TEX26: variants seen among roughly 807,000 people sequenced by gnomAD.
TEX26 encodes the protein testis-expressed protein 26.
A neutral mutation model predicts 35.3 loss-of-function variants in TEX26; 34 were observed. The ratio of observed to expected loss-of-function variants is 0.96; its 90% CI spans 0.73 to 1.28. The LOEUF is 1.28. TEX26 is among the 50% of genes most tolerant of loss of function. The pLI, the probability that TEX26 is intolerant of heterozygous loss-of-function variation, is 0.00. For missense variants in TEX26, 371 were observed against 330.1 expected (o/e 1.12, Z -0.96); for synonymous variants, 136 against 111.8 (o/e 1.22, Z -1.36).
chr13:30,951,772 A>C (rs1953930254), intron 2 of TEX26, among the ~76,000 whole-genome samples: 1 of 152,190 alleles, frequency 6.6e-6, no homozygotes, highest in African/African-American at 2.4e-5. Flanking sequence ...ACCTTTAAGA[A>C]AACCAATTCC....
intron 6 of TEX26, among the ~76,000 whole-genome samples, chr13:30,970,094 G>A (rs1048946268): frequency 5.3e-5 from 8 of 151,618 alleles, no homozygotes; most frequent in African/African-American, 1.2e-4. Context: ...TGAAACCCTC[G>A]TTTTGGGGAT....
chr13:30,956,060 A>C (rs1328219364), intron 3 of TEX26, among the ~76,000 whole-genome samples: 1 of 152,026 alleles, frequency 6.6e-6, no homozygotes, highest in Non-Finnish European at 1.5e-5. Flanking sequence ...ACATGTGCAC[A>C]ACGTGCAAGT....
At chr13:30,943,634 A>T (rs950234732) in intron 2 of TEX26, among the ~76,000 whole-genome samples, 8 of 151,854 alleles carry the variant, frequency 5.3e-5, no homozygotes, top group Non-Finnish European at 8.8e-5. Context: ...TTTAAGGTAT[A>T]TTCCTTAGAC....
intron 6 of TEX26, among the ~76,000 whole-genome samples, chr13:30,974,161 G>A (rs1260765512): frequency 2.5e-5 from 3 of 121,306 alleles, no homozygotes; most frequent in East Asian, 2.3e-4. Context: ...TATATAATTA[G>A]GAGTAAGGAA....
chr13:30,968,967 C>T lies in TEX26; in HGVS notation c.729C>T (p.Thr243=), dbSNP rs757823520. Residue 243 remains threonine, a synonymous_variant, in exon 6 of 7, where the codon ACC becomes ACT. Coordinates refer to ENST00000380473, the MANE Select transcript of TEX26 (RefSeq NM_152325.3). ...CATACCAAAGTGACTACGACAAAAC[C>T]TACCCAGATTTCTTAATGCTTTTAA... is the stretch of plus-strand genomic sequence containing the variant. The part of the protein sequence containing the change: ...QTTYQSDYDK[T]YPDFLMLLNS... 6 of 1,614,100 alleles carry T rather than the reference C, an allele frequency of 3.7e-6. No individual in the cohort carries two copies. Among genetic ancestry groups the T allele is most frequent in the Non-Finnish European group, 5.1e-6 (6 of 1,179,962 alleles).
chr13:30,969,013 G>A lies in TEX26; in HGVS notation c.775G>A (p.Val259Ile). The A allele has an allele frequency of 6.2e-7, 1 of 1,613,976 alleles. No homozygotes were observed. The part of the protein sequence containing the change: ...MLLNSFTSSQ[V>I]KEYLQSLSYK... ...TTTAAACTCATTTACTTCCTCTCAA[G>A]TCAAAGAGTACCTTCAGAGTCTTTC... is the stretch of plus-strand genomic sequence containing the variant. The change falls in exon 6 of 7, where the codon GTC becomes ATC. Residue 259 changes from valine (V) to isoleucine (I), a missense_variant. Transcript: ENST00000380473.
intron 6 of TEX26, 84 bp from the exon 7 acceptor site, chr13:30,974,762 T>C: frequency 1.5e-6 from 2 of 1,340,804 alleles, no homozygotes; most frequent in South Asian, 1.4e-5. Flanking sequence ...TTATCAGATA[T>C]TTTCTTCCTT....
At chr13:30,945,375 T>C (rs1953668318) in intron 2 of TEX26, among the ~76,000 whole-genome samples, 1 of 151,846 alleles carries the variant, frequency 6.6e-6, no homozygotes, top group South Asian at 2.1e-4. Context: ...ACAGCAGATA[T>C]TCTGTGGTTT....
At chr13:30,974,131 A>AAATAT in intron 6 of TEX26, among the ~76,000 whole-genome samples, 893 of 84,336 alleles carry the variant, frequency 0.011, 13 homozygotes, top group African/African-American at 0.019. Context: ...AAAAAAAAAA[A>AAATAT]ATATATATAT....
chr13:30,959,840 A>G (rs1412558957), intron 4 of TEX26, among the ~76,000 whole-genome samples: 4 of 152,220 alleles, frequency 2.6e-5, no homozygotes. Context: ...ATGACAAAAG[A>G]CTGTCACTAA....
rs770682650 is a variant in TEX26, at chr13:30,932,671, T to C, written c.-45T>C. 15 of 1,600,784 alleles carry C rather than the reference T, an allele frequency of 9.4e-6. No homozygotes were observed. Among genetic ancestry groups the C allele is most frequent in the Non-Finnish European group, 1.3e-5 (15 of 1,173,992 alleles). The stretch of plus-strand genomic sequence containing the variant: ...AGCAGCCCGCGGCTCCCGCAAGCGC[T>C]GAGATAGCTGGAGCCAGGGCCCCGC... On this transcript the variant is annotated 5_prime_UTR_variant, in exon 1 of 7. Transcript: ENST00000380473.
chr13:30,943,191 C>G (rs972920486), intron 2 of TEX26, among the ~76,000 whole-genome samples: 2 of 151,982 alleles, frequency 1.3e-5, no homozygotes, highest in African/African-American at 2.4e-5. Context: ...TTGTAGCTCT[C>G]CTTGTAGAGA....
intron 4 of TEX26, among the ~76,000 whole-genome samples, chr13:30,965,248 T>C (rs1162486954): frequency 1.3e-5 from 2 of 152,192 alleles, no homozygotes; most frequent in Non-Finnish European, 2.9e-5. Flanking sequence ...AAAAAATCAA[T>C]ATAAAAATGC....
intron 1 of TEX26, among the ~76,000 whole-genome samples, chr13:30,936,551 A>G (rs61947595): frequency 0.02 from 2,974 of 152,304 alleles, 45 homozygotes; most frequent in African/African-American, 0.041. Context: ...TTCTCATCCA[A>G]GCAAAAAGAA....
chr13:30,936,891 A>G, intron 1 of TEX26: 1 of 985,468 alleles, frequency 1.0e-6, no homozygotes, highest in Non-Finnish European at 1.2e-6. Flanking sequence ...TTGTGATTAC[A>G]GATTTCTCAA....
chr13:30,933,804 A>G (rs903377335), intron 1 of TEX26: 5 of 151,728 alleles, frequency 3.3e-5, no homozygotes, highest in African/African-American at 1.2e-4. Flanking sequence ...CTTTCTAACC[A>G]CCCTGTTTTC....
chr13:30,933,166 T>C (rs750884258), intron 1 of TEX26: 69 of 161,304 alleles, frequency 4.3e-4, no homozygotes, highest in African/African-American at 8.4e-4. Flanking sequence ...GATCCCCATA[T>C]AGGATCTTGG....
chr13:30,934,919 T>C (rs1234050629), intron 1 of TEX26, among the ~76,000 whole-genome samples: 1 of 152,168 alleles, frequency 6.6e-6, no homozygotes, highest in African/African-American at 2.4e-5. Context: ...GGCCTTTCAC[T>C]CCATGAAGCA....
rs1205001034 is a variant in TEX26 at position 30,969,183 on chromosome 13, CAT to C, written c.808+139_808+140del. 2.3e-5 allele frequency: 17 copies of C among 746,196 alleles called. No individual in the cohort carries two copies. In the African/African-American group the frequency reaches 2.3e-4, roughly 10 times the overall value. The allele number at this position is 746,196 out of a possible 1,614,324, so 46.2% of individuals were successfully genotyped here. On this transcript the variant is annotated intron_variant, in intron 6 of 6. Coordinates refer to ENST00000380473, the MANE Select transcript of TEX26 (RefSeq NM_152325.3). ...CATTGCCTCAAAAAAAAAAAAAACT[CAT>C]AGTGTTGTGCAAACCTCAATCCACT...
Sources: gnomAD v4.1 joint callset for allele counts (sites outside exome capture counted in the v4.1 genomes callset) on GRCh38, gnomAD v4.1.1 for gene constraint, MANE v1.5 for transcripts, NCBI Gene and HGNC (gene_info 2026-07-23, HGNC 2026-07-21) for gene names.